The following MARCHF1 variants were observed in gnomAD, a reference collection of about 807,000 sequenced individuals.
The protein encoded by MARCHF1 is membrane associated ring-CH-type finger 1.
A neutral mutation model predicts 54.2 loss-of-function variants in MARCHF1; 40 were observed. That is an observed-to-expected ratio of 0.74 (90% confidence interval 0.57 to 0.96). The LOEUF (loss-of-function observed/expected upper bound fraction) is 0.96. Ranked by LOEUF, MARCHF1 falls within the 40% of genes least tolerant of loss-of-function variation. The pLI, the probability that MARCHF1 is intolerant of heterozygous loss-of-function variation, is 0.00. For synonymous variants in MARCHF1, 236 were observed against 236.3 expected (o/e 1.00, Z 0.01); for missense variants, 586 against 656.5 (o/e 0.89, Z 1.17).
At chr4:164,105,809 AC>A (rs1755681570) in intron 2 of MARCHF1, among the ~76,000 whole-genome samples, 2 of 137,240 alleles carry the variant, frequency 1.5e-5, no homozygotes, top group African/African-American at 5.9e-5. Flanking sequence ...AAAAGAAACT[AC>A]CATCAGAGTG....
At chr4:164,346,606 A>G (rs1440779024) in intron 1 of MARCHF1, among the ~76,000 whole-genome samples, 242 of 1,418 alleles carry the variant, frequency 0.17, no homozygotes, top group African/African-American at 0.31. Flanking sequence ...GTATGTATGT[A>G]TATATATATA....
intron 4 of MARCHF1, among the ~76,000 whole-genome samples, chr4:163,776,643 T>C (rs1401443272): frequency 6.6e-6 from 1 of 152,090 alleles, no homozygotes; most frequent in Non-Finnish European, 1.5e-5. Flanking sequence ...TATCCATCCA[T>C]TGGGGGCTGA....
chr4:164,252,443 C>G (rs915798631), intron 1 of MARCHF1, among the ~76,000 whole-genome samples: 6 of 152,216 alleles, frequency 3.9e-5, no homozygotes, highest in African/African-American at 1.2e-4. Context: ...AGGCAGGAAG[C>G]CCTGGAAGCT....
chr4:163,662,981 GA>G (rs11327955), intron 5 of MARCHF1, among the ~76,000 whole-genome samples: 98,533 of 149,960 alleles, frequency 0.66, 32,470 homozygotes, highest in African/African-American at 0.75. Flanking sequence ...TATTGGCCTG[GA>G]AAAAAAAAAA....
chr4:163,980,407 A>T (rs577997165), intron 3 of MARCHF1, among the ~76,000 whole-genome samples: 163 of 147,008 alleles, frequency 1.1e-3, no homozygotes, highest in African/African-American at 3.9e-3. Context: ...CTAAAACCAT[A>T]AAAACCCTAG....
chr4:163,891,921 A>G (rs1208905264), intron 3 of MARCHF1, among the ~76,000 whole-genome samples: 1 of 152,206 alleles, frequency 6.6e-6, no homozygotes, highest in Non-Finnish European at 1.5e-5. Flanking sequence ...CTTGCTGTGC[A>G]TCCCACAATC....
chr4:163,580,101 C>T (rs561726568), intron 8 of MARCHF1, among the ~76,000 whole-genome samples: 5 of 100,434 alleles, frequency 5.0e-5, no homozygotes, highest in Middle Eastern at 5.3e-3. Flanking sequence ...TTATTTGAGA[C>T]GGAGTCTTGC....
intron 7 of MARCHF1, among the ~76,000 whole-genome samples, chr4:163,603,806 C>T (rs1002122242): frequency 6.6e-6 from 1 of 151,992 alleles, no homozygotes; most frequent in African/African-American, 2.4e-5. Context: ...GCCAATCTTT[C>T]CACTTTAGGT....
intron 5 of MARCHF1, among the ~76,000 whole-genome samples, chr4:163,657,861 C>T (rs1404065050): frequency 6.6e-6 from 1 of 151,880 alleles, no homozygotes; most frequent in Non-Finnish European, 1.5e-5. Context: ...TAGCTATATG[C>T]AGAAAATTGA....
At chr4:164,172,138 T>C (rs1730542707) in intron 1 of MARCHF1, among the ~76,000 whole-genome samples, 1 of 152,178 alleles carries the variant, frequency 6.6e-6, no homozygotes, top group Admixed American at 6.5e-5. Context: ...TTTTCTCTAG[T>C]CTATAAGAGC....
At chr4:164,060,460 C>T (rs1312796364) in intron 2 of MARCHF1, among the ~76,000 whole-genome samples, 2 of 152,114 alleles carry the variant, frequency 1.3e-5, no homozygotes, top group African/African-American at 4.8e-5. Flanking sequence ...TAATCACACA[C>T]TATTCTTCCA....
intron 2 of MARCHF1, among the ~76,000 whole-genome samples, chr4:164,006,467 T>C (rs960180864): frequency 3.3e-5 from 5 of 152,002 alleles, no homozygotes; most frequent in African/African-American, 9.7e-5. Context: ...GAAAACCACC[T>C]ACAAGATATA....
chr4:164,298,638 C>T (rs1734472931), intron 1 of MARCHF1, among the ~76,000 whole-genome samples: 1 of 152,076 alleles, frequency 6.6e-6, no homozygotes, highest in East Asian at 1.9e-4. Flanking sequence ...TACAAGACTA[C>T]ACTCAACTCC....
At chr4:164,033,158 A>G (rs570202999) in intron 2 of MARCHF1, among the ~76,000 whole-genome samples, 1 of 150,994 alleles carries the variant, frequency 6.6e-6, no homozygotes, top group Admixed American at 6.6e-5. Flanking sequence ...TGGATGACAG[A>G]GCAAGACTCC....
At chr4:163,568,514 T>G (rs1739723559) in intron 8 of MARCHF1, among the ~76,000 whole-genome samples, 1 of 152,106 alleles carries the variant, frequency 6.6e-6, no homozygotes, top group South Asian at 2.1e-4. Context: ...CTTACAGAAA[T>G]AAATTCTTGA....
At chr4:164,356,780 C>CAAAAAAAAAAAAAAAAAAAAAAAAA (rs58855405) in intron 1 of MARCHF1, among the ~76,000 whole-genome samples, 1 of 103,274 alleles carries the variant, frequency 9.7e-6, no homozygotes. Context: ...AAAAGAAAAG[C>CAAAAAAAAAAAAAAAAAAAAAAAAA]AAAAAAAAAA....
In MARCHF1 at chr4:163,983,478, C is replaced by A. The variant is rs75270841; in HGVS notation, c.-39+5023G>T. Among the ~76,000 whole-genome samples, 1,424 of 152,162 alleles carry A rather than the reference C, an allele frequency of 9.4e-3. 23 individuals are homozygous for A. Among genetic ancestry groups the A allele is most frequent in the African/African-American group, 0.032 (1,310 of 41,504 alleles). ...TTTATAATAGCACCCAATGTATATT[C>A]CATCTGATCTTATGAATCATGGGCA... On this transcript the variant is annotated intron_variant, in intron 3 of 9. Transcript: ENST00000514618.
intron 3 of MARCHF1, among the ~76,000 whole-genome samples, chr4:163,881,772 C>G (rs1053729428): frequency 6.6e-6 from 1 of 152,050 alleles, no homozygotes; most frequent in Non-Finnish European, 1.5e-5. Context: ...TTTACTTGGG[C>G]CCATAACCTT....
intron 8 of MARCHF1, among the ~76,000 whole-genome samples, chr4:163,560,394 T>A (rs1739430387): frequency 6.6e-6 from 1 of 152,240 alleles, no homozygotes; most frequent in Admixed American, 6.5e-5. Context: ...CTTGTCAGTC[T>A]TAACAACTAT....
Sources: allele counts gnomAD v4.1 joint callset (sites outside exome capture counted in the v4.1 genomes callset), GRCh38; gene constraint gnomAD v4.1.1; transcripts MANE v1.5; gene names NCBI Gene and HGNC (gene_info 2026-07-23, HGNC 2026-07-21).